The following PLCB4 variants were observed in gnomAD, a reference collection of about 807,000 sequenced individuals.
PLCB4 encodes phospholipase C beta 4, also known as 1-phosphatidylinositol 4,5-bisphosphate phosphodiesterase beta-4.
PLCB4 carries 77 observed loss-of-function variants against 178.8 expected under a neutral mutation model. The ratio of observed to expected loss-of-function variants is 0.43; its 90% CI spans 0.36 to 0.52. PLCB4 has a LOEUF of 0.52. Ranked by LOEUF, PLCB4 falls within the 20% of genes least tolerant of loss-of-function variation. The pLI, the probability that PLCB4 is intolerant of heterozygous loss-of-function variation, is 0.00. For missense variants in PLCB4, 1,024 were observed against 1,453.4 expected (o/e 0.70, Z 4.80); for synonymous variants, 496 against 490.8 (o/e 1.01, Z -0.14).
chr20:9,116,887 C>T (rs528842056), intron 2 of PLCB4, among the ~76,000 whole-genome samples: 9 of 152,130 alleles, frequency 5.9e-5, no homozygotes, highest in Admixed American at 3.3e-4. Context: ...ATTACTTTTT[C>T]TATAACATCC....
chr20:9,304,331 G>A (rs1248841401), intron 3 of PLCB4, among the ~76,000 whole-genome samples: 1 of 151,916 alleles, frequency 6.6e-6, no homozygotes, highest in African/African-American at 2.4e-5. Flanking sequence ...CAATGAGCAT[G>A]ACCACAATAT....
intron 2 of PLCB4, among the ~76,000 whole-genome samples, chr20:9,160,644 A>C (rs536298712): frequency 6.6e-6 from 1 of 152,288 alleles, no homozygotes; most frequent in Non-Finnish European, 1.5e-5. Context: ...CTTTCTTATA[A>C]TGACAAAGAA....
chr20:9,130,258 G>T (rs1006135275), intron 2 of PLCB4, among the ~76,000 whole-genome samples: 1 of 152,082 alleles, frequency 6.6e-6, no homozygotes, highest in African/African-American at 2.4e-5. Context: ...CCTTATTTAA[G>T]GCAGCTACTG....
intron 3 of PLCB4, among the ~76,000 whole-genome samples, chr20:9,302,610 A>C (rs2094719159): frequency 6.6e-6 from 1 of 152,186 alleles, no homozygotes; most frequent in South Asian, 2.1e-4. Context: ...TGAAGGAATA[A>C]GCAATGAAAT....
intron 3 of PLCB4, among the ~76,000 whole-genome samples, chr20:9,301,716 C>G (rs1055053431): frequency 6.6e-6 from 1 of 152,086 alleles, no homozygotes; most frequent in Non-Finnish European, 1.5e-5. Flanking sequence ...CTGCCAGTTT[C>G]TTATTATCAT....
At chr20:9,391,101 A>C (rs1281844967) in intron 17 of PLCB4, among the ~76,000 whole-genome samples, 1 of 151,704 alleles carries the variant, frequency 6.6e-6, no homozygotes, top group East Asian at 1.9e-4. Flanking sequence ...GATTGATGTC[A>C]CGACATCCTG....
intron 35 of PLCB4, among the ~76,000 whole-genome samples, chr20:9,462,344 A>C (rs539931780): frequency 6.6e-6 from 1 of 152,352 alleles, no homozygotes; most frequent in Non-Finnish European, 1.5e-5. Flanking sequence ...TCTAAAAACC[A>C]GAGCACCTCT....
At chr20:9,177,835 G>C (rs1019699600) in intron 2 of PLCB4, among the ~76,000 whole-genome samples, 1 of 152,124 alleles carries the variant, frequency 6.6e-6, no homozygotes, top group African/African-American at 2.4e-5. Context: ...TCTTAAAACT[G>C]ATCTGCCTAA....
intron 32 of PLCB4, among the ~76,000 whole-genome samples, chr20:9,450,431 A>G (rs997970656): frequency 2.0e-4 from 31 of 152,306 alleles, no homozygotes; most frequent in African/African-American, 7.2e-4. Flanking sequence ...CACTTCAGCA[A>G]TCACTGCCTA....
At chr20:9,167,079 A>G (rs2092985353) in intron 2 of PLCB4, among the ~76,000 whole-genome samples, 1 of 152,138 alleles carries the variant, frequency 6.6e-6, no homozygotes, top group African/African-American at 2.4e-5. Context: ...TAACTCGAAT[A>G]GAGTTTTCCA....
chr20:9,370,624 C>T (rs1025889102), intron 9 of PLCB4, among the ~76,000 whole-genome samples: 2 of 152,058 alleles, frequency 1.3e-5, no homozygotes, highest in Non-Finnish European at 2.9e-5. Flanking sequence ...ATGTGTGTCC[C>T]AGGCCAGGCG....
chr20:9,182,693 A>C (rs1286235962), intron 2 of PLCB4, among the ~76,000 whole-genome samples: 1 of 152,060 alleles, frequency 6.6e-6, no homozygotes, highest in Non-Finnish European at 1.5e-5. Context: ...AGGACATGGG[A>C]CTTCGGATTT....
chr20:9,409,266 G>A, intron 24 of PLCB4, 85 bp downstream of exon 24: 1 of 1,146,340 alleles, frequency 8.7e-7, no homozygotes, highest in Non-Finnish European at 1.2e-6. Flanking sequence ...TTGGCTGTGG[G>A]CATTTTTTAA....
At chr20:9,174,516 T>C (rs1353790649) in intron 2 of PLCB4, among the ~76,000 whole-genome samples, 1 of 151,962 alleles carries the variant, frequency 6.6e-6, no homozygotes, top group South Asian at 2.1e-4. Context: ...TTTTTTACAT[T>C]GTAGTTTTCT....
Position 9,107,179 on chromosome 20 carries a change from G to A in PLCB4, c.-79+10837G>A, listed in dbSNP as rs2091396905. Among the ~76,000 whole-genome samples, 3 of 152,100 alleles carry A rather than the reference G, an allele frequency of 2.0e-5. No individual in the cohort carries two copies. In the South Asian group the frequency reaches 6.2e-4, roughly 31 times the overall value. On this transcript the variant is annotated intron_variant, in intron 2 of 39. Transcript: ENST00000378473. ...TTTTGTAAAGAAAAACCAGGTTATA[G>A]TGGAGCATTTATTTACTCGTTCAAC...
At chr20:9,268,928 C>G (rs1184800320) in intron 3 of PLCB4, among the ~76,000 whole-genome samples, 3 of 152,224 alleles carry the variant, frequency 2.0e-5, no homozygotes, top group Non-Finnish European at 4.4e-5. Context: ...CATTTCTCCT[C>G]TGAACCTTGT....
At chr20:9,190,468 C>T (rs2147134912) in intron 2 of PLCB4, among the ~76,000 whole-genome samples, 1 of 152,214 alleles carries the variant, frequency 6.6e-6, no homozygotes, top group East Asian at 1.9e-4. Context: ...CTGAGGCCTC[C>T]CCAATCATAT....
chr20:9,345,191 A>T (rs749575089), intron 7 of PLCB4, among the ~76,000 whole-genome samples: 1 of 152,200 alleles, frequency 6.6e-6, no homozygotes, highest in Admixed American at 6.5e-5. Context: ...CTCCATCTCA[A>T]AAAAAGAATA....
intron 3 of PLCB4, among the ~76,000 whole-genome samples, chr20:9,246,988 A>T (rs1003406444): frequency 3.3e-5 from 5 of 152,188 alleles, no homozygotes; most frequent in African/African-American, 1.2e-4. Context: ...GTGCATCTTT[A>T]TATTAATACA....
Sources: gnomAD v4.1 joint callset for allele counts (sites outside exome capture counted in the v4.1 genomes callset) on GRCh38, gnomAD v4.1.1 for gene constraint, MANE v1.5 for transcripts, NCBI Gene and HGNC (gene_info 2026-07-23, HGNC 2026-07-21) for gene names.